The following SGCD variants were observed in gnomAD, a reference collection of about 807,000 sequenced individuals.
SGCD encodes sarcoglycan delta, also known as delta-sarcoglycan.
Under a neutral mutation model 36.6 loss-of-function variants are expected in SGCD, and 18 were observed. The observed-to-expected ratio is 0.49, with a 90% CI of 0.34 to 0.73. The LOEUF (loss-of-function observed/expected upper bound fraction) is 0.73. Among genes scored for constraint, SGCD ranks in the 30% least tolerant of loss-of-function variants. The pLI, the probability that SGCD is intolerant of heterozygous loss-of-function variation, is 0.01. For synonymous variants in SGCD, 133 were observed against 130.6 expected (o/e 1.02, Z -0.12); for missense variants, 387 against 346.7 (o/e 1.12, Z -0.92).
At chr5:156,757,839 A>AATT (rs1757400708) in intron 8 of SGCD, 135 bp downstream of exon 8, 2 of 1,353,152 alleles carry the variant, frequency 1.5e-6, no homozygotes, top group Middle Eastern at 2.7e-4. Context: ...TTTCTGAAAC[A>AATT]ATTAATTGAG....
intron 7 of SGCD, among the ~76,000 whole-genome samples, chr5:156,668,752 G>A (rs890392054): frequency 1.3e-5 from 2 of 152,144 alleles, no homozygotes; most frequent in Non-Finnish European, 2.9e-5. Flanking sequence ...GTTATCTGGT[G>A]GAGTGTAGGA....
At chr5:156,466,921 C>T (rs1353263853) in intron 3 of SGCD, among the ~76,000 whole-genome samples, 2 of 151,952 alleles carry the variant, frequency 1.3e-5, no homozygotes, top group Non-Finnish European at 2.9e-5. Flanking sequence ...GTGCCTAGGA[C>T]CCACAAAAGC....
chr5:156,205,180 C>T (rs1182090147), intron 3 of SGCD, among the ~76,000 whole-genome samples: 3 of 152,034 alleles, frequency 2.0e-5, no homozygotes, highest in African/African-American at 4.8e-5. Flanking sequence ...ACTTCCTCTG[C>T]TTATCTGGTC....
At chr5:155,759,415 A>G in the SGCD span, among the ~76,000 whole-genome samples, 3 of 152,124 alleles carry the variant, frequency 2.0e-5, no homozygotes, top group African/African-American at 7.2e-5. Context: ...TCTTTCTGAA[A>G]TGTAACTTTC....
At chr5:155,999,348 G>A (rs1285447128) in intron 1 of SGCD, among the ~76,000 whole-genome samples, 2 of 152,184 alleles carry the variant, frequency 1.3e-5, no homozygotes, top group Non-Finnish European at 2.9e-5. Context: ...TGGGTTTGGT[G>A]TCCACTCCAT....
chr5:156,344,426 A>AT (rs907669386), intron 2 of SGCD, 63 bp from the exon 3 acceptor site: 42 of 1,176,362 alleles, frequency 3.6e-5, no homozygotes, highest in East Asian at 2.0e-4. Context: ...TTTTTCCTTT[A>AT]TTTTTTTTCT....
chr5:156,052,120 C>T (rs1037309881), intron 1 of SGCD, among the ~76,000 whole-genome samples: 2 of 146,210 alleles, frequency 1.4e-5, no homozygotes, highest in Admixed American at 1.4e-4. Flanking sequence ...TAGAGCACTT[C>T]CGCCCACAGC....
chr5:156,685,973 C>T (rs893961441), intron 7 of SGCD, among the ~76,000 whole-genome samples: 6 of 152,166 alleles, frequency 3.9e-5, no homozygotes, highest in Non-Finnish European at 8.8e-5. Flanking sequence ...GGGTACTAGA[C>T]TTATCGTGAG....
At position 156,344,612 on chromosome 5, in the gene SGCD, A is replaced by T. The variant is rs2127716663; in HGVS notation, c.127A>T (p.Met43Leu). 2 of 1,612,192 alleles carry T rather than the reference A, an allele frequency of 1.2e-6. No homozygotes were observed. The highest frequency in any genetic ancestry group is 1.7e-6 in the Non-Finnish European group (2 of 1,179,054). The change falls in exon 3 of 9, where the codon ATG (methionine) becomes TTG (leucine). Residue 43 changes from methionine to leucine, a missense_variant. Physicochemically the swap from Met to Leu is conservative, Grantham distance 15. Transcript: ENST00000337851. Reference sequence around the variant, plus strand: ...CCTGTATTTCTTTGTCCTGCTCCTCATGATTTTAATACTGGTGAACTTGGC... The same window carrying T: ...CCTGTATTTCTTTGTCCTGCTCCTCTTGATTTTAATACTGGTGAACTTGGC... Reference protein sequence around the residue: ...RCLYFFVLLLMILILVNLAMT... With the variant: ...RCLYFFVLLLLILILVNLAMT...
intron 1 of SGCD, among the ~76,000 whole-genome samples, chr5:156,070,365 C>T (rs1352506026): frequency 6.6e-6 from 1 of 151,284 alleles, no homozygotes; most frequent in African/African-American, 2.5e-5. Flanking sequence ...TGTCAAAGGC[C>T]TTTTCTGCAT....
At chr5:155,804,212 C>G in the SGCD span, among the ~76,000 whole-genome samples, 2,652 of 152,260 alleles carry the variant, frequency 0.017, 87 homozygotes, top group African/African-American at 0.059. Flanking sequence ...CAGTCTCTGT[C>G]TTCAAAGCAT....
chr5:156,086,281 T>C (rs1761088983), intron 1 of SGCD, among the ~76,000 whole-genome samples: 1 of 152,236 alleles, frequency 6.6e-6, no homozygotes, highest in East Asian at 1.9e-4. Flanking sequence ...TCTTTTCCTT[T>C]TTCCTTCTTC....
At chr5:156,534,725 A>G (rs2113118147) in intron 4 of SGCD, among the ~76,000 whole-genome samples, 1 of 152,330 alleles carries the variant, frequency 6.6e-6, no homozygotes, top group South Asian at 2.1e-4. Flanking sequence ...AACTGGAGGC[A>G]TATTACCTGA....
At chr5:156,494,520 A>T (rs1200312076) in intron 3 of SGCD, among the ~76,000 whole-genome samples, 1 of 152,098 alleles carries the variant, frequency 6.6e-6, no homozygotes, top group Non-Finnish European at 1.5e-5. Context: ...ACAGTTCTTT[A>T]CTAGAAAGTT....
intron 3 of SGCD, among the ~76,000 whole-genome samples, chr5:156,311,842 C>A (rs1252965697): frequency 2.6e-5 from 4 of 152,144 alleles, no homozygotes; most frequent in Admixed American, 6.5e-5. Flanking sequence ...ACAAAATGAG[C>A]TTATTTCTTC....
At chr5:156,421,089 T>C (rs1031460845) in intron 3 of SGCD, among the ~76,000 whole-genome samples, 1 of 151,942 alleles carries the variant, frequency 6.6e-6, no homozygotes, top group Non-Finnish European at 1.5e-5. Flanking sequence ...AATAAATACA[T>C]AAATAATTAA....
chr5:156,545,577 T>A (rs918680601), intron 4 of SGCD, among the ~76,000 whole-genome samples: 3 of 152,072 alleles, frequency 2.0e-5, no homozygotes, highest in Admixed American at 6.5e-5. Context: ...CCGACCTAGA[T>A]CCCTTGCATG....
At position 156,252,096 on chromosome 5, in the gene SGCD, C is replaced by T. The variant is rs566667901; in HGVS notation, c.-43-77438C>T. The stretch of plus-strand genomic sequence containing the variant: ...TTCTTTTTTTTTTGAGACGGAGTTT[C>T]GCTCTTGTTTCCCAGACTGGAGTGC... On this transcript the variant is annotated intron_variant, in intron 3 of 9. Transcript: ENST00000517913. 2.3e-3 allele frequency among the ~76,000 whole-genome samples: 344 copies of T among 148,832 alleles called. 2 individuals carry two copies. Among genetic ancestry groups the T allele is most frequent in the Non-Finnish European group, 4.4e-3 (299 of 67,500 alleles).
intron 7 of SGCD, among the ~76,000 whole-genome samples, chr5:156,704,745 T>C (rs1754671583): frequency 6.6e-6 from 1 of 152,134 alleles, no homozygotes; most frequent in Admixed American, 6.6e-5. Context: ...TAAATTTTGG[T>C]CTAAACTGTA....
Sources: gnomAD v4.1 joint callset for allele counts (sites outside exome capture counted in the v4.1 genomes callset) on GRCh38, gnomAD v4.1.1 for gene constraint, MANE v1.5 for transcripts, NCBI Gene and HGNC (gene_info 2026-07-23, HGNC 2026-07-21) for gene names.